Variants in EIPR1 observed in about 807,000 individuals in gnomAD.
EIPR1 encodes the protein EARP complex and GARP complex interacting protein 1.
A neutral mutation model predicts 48.1 loss-of-function variants in EIPR1; 25 were observed. The observed-to-expected ratio is 0.52, with a 90% CI of 0.38 to 0.73. EIPR1 has a LOEUF of 0.73. Ranked by LOEUF, EIPR1 falls within the 30% of genes least tolerant of loss-of-function variation. The pLI is 0.00. For synonymous variants in EIPR1, 204 were observed against 201.9 expected, an observed-to-expected ratio of 1.01 and a Z score of -0.09; for missense variants, 415 against 506.2, an observed-to-expected ratio of 0.82 and a Z score of 1.73.
chr2:3,227,780 G>C (rs1901902), intron 4 of EIPR1, among the ~76,000 whole-genome samples: 77,946 of 152,152 alleles, frequency 0.51, 20,460 homozygotes, highest in East Asian at 0.77. Flanking sequence ...CCCAGCTGCT[G>C]CTGCTCCAGC....
intron 5 of EIPR1, among the ~76,000 whole-genome samples, chr2:3,213,796 T>C (rs114004259): frequency 0.018 from 2,774 of 152,322 alleles, 34 homozygotes; most frequent in Non-Finnish European, 0.029. Context: ...TTCTAAACTG[T>C]TGTGAATCAA....
intron 4 of EIPR1, among the ~76,000 whole-genome samples, chr2:3,243,045 C>T (rs1366832208): frequency 6.6e-6 from 1 of 152,186 alleles, no homozygotes; most frequent in Non-Finnish European, 1.5e-5. Flanking sequence ...CCTGGGAACG[C>T]TTTCTGACAG....
chr2:3,265,417 T>C (rs146302996), intron 3 of EIPR1, among the ~76,000 whole-genome samples: 12 of 152,362 alleles, frequency 7.9e-5, no homozygotes, highest in African/African-American at 2.4e-4. Context: ...TGAGGATTTC[T>C]GTAGCTGTGT....
intron 2 of EIPR1, among the ~76,000 whole-genome samples, chr2:3,353,800 A>C (rs969111145): frequency 1.3e-5 from 2 of 152,090 alleles, no homozygotes. Context: ...ACTACATCCT[A>C]TCCAGGCCTG....
At chr2:3,210,812 T>C (rs1476936088) in intron 5 of EIPR1, among the ~76,000 whole-genome samples, 1 of 152,088 alleles carries the variant, frequency 6.6e-6, no homozygotes, top group African/African-American at 2.4e-5. Context: ...TTTTTATTTT[T>C]ATTTTTAGTA....
At chr2:3,358,261 T>G (rs1440554537) in intron 1 of EIPR1, among the ~76,000 whole-genome samples, 1 of 152,180 alleles carries the variant, frequency 6.6e-6, no homozygotes, top group East Asian at 1.9e-4. Flanking sequence ...TGACTTGGTT[T>G]CCACAACTAG....
intron 1 of EIPR1, among the ~76,000 whole-genome samples, chr2:3,360,756 G>A (rs946508170): frequency 2.0e-5 from 3 of 152,168 alleles, no homozygotes; most frequent in Non-Finnish European, 1.5e-5. Context: ...GGTTTAAGGA[G>A]GGCAGGTGGA....
chr2:3,209,176 C>T (rs1255793453), intron 5 of EIPR1, among the ~76,000 whole-genome samples: 1 of 152,186 alleles, frequency 6.6e-6, no homozygotes, highest in Admixed American at 6.5e-5. Context: ...GGCAGGCCCA[C>T]GCGGCACATA....
chr2:3,262,829 C>T (rs936302001), intron 3 of EIPR1, among the ~76,000 whole-genome samples: 2 of 152,218 alleles, frequency 1.3e-5, no homozygotes, highest in African/African-American at 4.8e-5. Flanking sequence ...ACGTGTCACT[C>T]ATGAGAAGAG....
At chr2:3,210,791 T>C (rs1665422243) in intron 5 of EIPR1, among the ~76,000 whole-genome samples, 1 of 152,072 alleles carries the variant, frequency 6.6e-6, no homozygotes. Flanking sequence ...CCACCACGCC[T>C]GGCTAATTTA....
At position 3,266,442 on chromosome 2, in the gene EIPR1, A is replaced by T. The variant is rs1194073090; in HGVS notation, c.260-8987T>A. Among the ~76,000 whole-genome samples the T allele has an allele frequency of 2.6e-5, 4 of 152,356 alleles. No homozygotes were observed. In the East Asian group the frequency reaches 7.7e-4, roughly 29 times the overall value. On this transcript the variant is annotated intron_variant, in intron 3 of 8. Transcript: ENST00000382125. ...TCTGGGCCTAAAAATACCTTCCTCG[A>T]TGGCCTTTTAAATGCCTTAGGGATG...
intron 2 of EIPR1, among the ~76,000 whole-genome samples, chr2:3,350,214 G>A (rs886489101): frequency 6.6e-6 from 1 of 151,614 alleles, no homozygotes; most frequent in Non-Finnish European, 1.5e-5. Flanking sequence ...GCTATACAGG[G>A]GACATGGCTG....
chr2:3,242,101 G>A (rs889490017), intron 4 of EIPR1, among the ~76,000 whole-genome samples: 7 of 152,184 alleles, frequency 4.6e-5, no homozygotes, highest in African/African-American at 1.4e-4. Context: ...AGGAGCTCCC[G>A]ACTCGACACC....
intron 3 of EIPR1, among the ~76,000 whole-genome samples, chr2:3,333,255 C>A (rs1669952328): frequency 6.6e-6 from 1 of 152,230 alleles, no homozygotes; most frequent in African/African-American, 2.4e-5. Flanking sequence ...ACACTGCAGA[C>A]TTCCACTGAT....
intron 3 of EIPR1, among the ~76,000 whole-genome samples, chr2:3,298,903 G>A (rs554333740): frequency 6.6e-6 from 1 of 152,198 alleles, no homozygotes; most frequent in East Asian, 1.9e-4. Flanking sequence ...CAGCCTTCCA[G>A]GGGACATCGT....
rs930623712 is a variant in EIPR1 at position 3,333,149 on chromosome 2, T to C, written c.259+4868A>G. ...AGTAAGGGTACAGAGAAAGGGTTTCTCGCTTGCATTTTAAAAAATAAGTCA... is the reference window on the plus strand; with the variant it reads ...AGTAAGGGTACAGAGAAAGGGTTTCCCGCTTGCATTTTAAAAAATAAGTCA... On this transcript the variant is annotated intron_variant, in intron 3 of 8. Transcript: ENST00000382125. 2.6e-5 allele frequency among the ~76,000 whole-genome samples: 4 copies of C among 152,180 alleles called. No homozygotes were observed. The East Asian group carries it at 7.7e-4, about 29-fold the overall frequency.
intron 3 of EIPR1, among the ~76,000 whole-genome samples, chr2:3,292,465 A>C (rs968009021): frequency 1.3e-5 from 2 of 152,154 alleles, no homozygotes; most frequent in African/African-American, 4.8e-5. Flanking sequence ...TTGCGGGGAC[A>C]GCCCCCCGTA....
chr2:3,371,102 T>G (rs7560098), intron 1 of EIPR1, among the ~76,000 whole-genome samples: 2,521 of 152,102 alleles, frequency 0.017, 73 homozygotes, highest in African/African-American at 0.058. Flanking sequence ...TTAAAGAAAA[T>G]AATTTTCAAC....
intron 1 of EIPR1, among the ~76,000 whole-genome samples, chr2:3,373,282 T>C (rs1208982653): frequency 6.6e-6 from 1 of 151,494 alleles, no homozygotes; most frequent in African/African-American, 2.4e-5. Flanking sequence ...TCATACTGAA[T>C]GGGCAAAAAC....
Sources: allele counts gnomAD v4.1 joint callset (sites outside exome capture counted in the v4.1 genomes callset), GRCh38; gene constraint gnomAD v4.1.1; transcripts MANE v1.5; gene names NCBI Gene and HGNC (gene_info 2026-07-23, HGNC 2026-07-21).